OSTN: variants seen among roughly 807,000 people sequenced by gnomAD.
OSTN encodes osteocrin.
Under a neutral mutation model 12.0 loss-of-function variants are expected in OSTN, and 9 were observed. The observed-to-expected ratio is 0.75, with a 90% CI of 0.45 to 1.30. The LOEUF (loss-of-function observed/expected upper bound fraction) is 1.30. Ranked by LOEUF, OSTN falls within the 50% of genes most tolerant of loss-of-function variation. The pLI, the probability that OSTN is intolerant of heterozygous loss-of-function variation, is 0.00. For missense variants in OSTN, 148 were observed against 152.3 expected (o/e 0.97, Z 0.15); for synonymous variants, 59 against 56.9 (o/e 1.04, Z -0.16).
intron 2 of OSTN, among the ~76,000 whole-genome samples, chr3:191,216,369 C>T (rs1021137141): frequency 6.2e-4 from 95 of 152,188 alleles, no homozygotes; most frequent in African/African-American, 2.2e-3. Context: ...AGACATTTTC[C>T]CCATTGTCTT....
At chr3:191,203,966 C>A (rs1293601876) in intron 1 of OSTN, among the ~76,000 whole-genome samples, 1 of 152,180 alleles carries the variant, frequency 6.6e-6, no homozygotes, top group African/African-American at 2.4e-5. Flanking sequence ...CGGCTCACTG[C>A]AACCTCCGCC....
Position 191,219,576 on chromosome 3 carries a change from G to A in OSTN, c.317+615G>A, listed in dbSNP as rs182371541. Among the ~76,000 whole-genome samples, 129 of 152,184 alleles carry A rather than the reference G, an allele frequency of 8.5e-4. 1 individual carries two copies. The highest frequency in any genetic ancestry group is 1.1e-3 in the Non-Finnish European group (72 of 68,010). On this transcript the variant is annotated intron_variant, in intron 3 of 4. Coordinates refer to ENST00000682035, the MANE Select transcript of OSTN (RefSeq NM_198184.2). ...AAGTGCTTCATAGAATGCTAATTACGGATTTAGAGTAGTGAAATATCCCTT... is the reference window on the plus strand; with the variant it reads ...AAGTGCTTCATAGAATGCTAATTACAGATTTAGAGTAGTGAAATATCCCTT...
intron 3 of OSTN, among the ~76,000 whole-genome samples, chr3:191,237,694 T>C (rs1303108926): frequency 2.0e-5 from 3 of 152,336 alleles, no homozygotes; most frequent in African/African-American, 7.2e-5. Flanking sequence ...CCTGAGATCT[T>C]ATCAGGAAGA....
chr3:191,237,194 T>A (rs1424443857), intron 3 of OSTN, among the ~76,000 whole-genome samples: 1 of 152,216 alleles, frequency 6.6e-6, no homozygotes, highest in Admixed American at 6.5e-5. Flanking sequence ...AATTATGCGT[T>A]GCCTCAAGCG....
rs1303913871 is a variant in OSTN at position 191,201,526 on chromosome 3, G to C, written c.-1+2219G>C. Among the ~76,000 whole-genome samples the C allele has an allele frequency of 2.0e-5, 3 of 152,142 alleles. No homozygotes were observed. The East Asian group carries it at 5.8e-4, about 29-fold the overall frequency. On this transcript the variant is annotated intron_variant, in intron 1 of 4. Transcript: ENST00000682035. ...ACTTTAGGTGGCACAATTAGAGCTA[G>C]AAGAATAATGATGCCTTCAGTACAG...
chr3:191,207,769 C>T (rs1714315182), intron 1 of OSTN, among the ~76,000 whole-genome samples: 1 of 152,044 alleles, frequency 6.6e-6, no homozygotes, highest in South Asian at 2.1e-4. Flanking sequence ...ACTCTAACAC[C>T]TCTTTAAAAA....
intron 3 of OSTN, among the ~76,000 whole-genome samples, chr3:191,246,614 A>AAAG (rs1553822117): frequency 6.6e-6 from 1 of 151,322 alleles, no homozygotes; most frequent in Admixed American, 6.6e-5. Context: ...CAAAAAAAAA[A>AAAG]AAAGAAAGAA....
intron 3 of OSTN, among the ~76,000 whole-genome samples, chr3:191,229,581 C>A (rs1714998401): frequency 6.6e-6 from 1 of 151,766 alleles, no homozygotes; most frequent in Non-Finnish European, 1.5e-5. Context: ...ATAATAAATT[C>A]CTTAAAAAAC....
chr3:191,203,678 T>A (rs931301162), intron 1 of OSTN, among the ~76,000 whole-genome samples: 39 of 134,868 alleles, frequency 2.9e-4, no homozygotes, highest in Admixed American at 7.3e-5. Context: ...CATAAAAATA[T>A]TACTTTATAA....
intron 1 of OSTN, among the ~76,000 whole-genome samples, chr3:191,207,545 T>A (rs565299523): frequency 6.6e-6 from 1 of 152,328 alleles, no homozygotes; most frequent in African/African-American, 2.4e-5. Flanking sequence ...TTGCTCTTTC[T>A]TTTGTAGATA....
chr3:191,262,877 T>G lies in OSTN; in HGVS notation c.*24T>G, dbSNP rs1040797370. 5 of 702,210 alleles carry G rather than the reference T, an allele frequency of 7.1e-6. No individual in the cohort carries two copies. The highest frequency in any genetic ancestry group is 3.0e-5 in the South Asian group (2 of 67,570). The allele number at this position is 702,210 out of a possible 1,614,324, so 43.5% of individuals were successfully genotyped here. A position where few individuals can be genotyped will look rare whatever the true frequency, so the allele number is the denominator to read the frequency against. On this transcript the variant is annotated 3_prime_UTR_variant, in exon 5 of 5. Coordinates refer to ENST00000682035, the MANE Select transcript of OSTN (RefSeq NM_198184.2). ...TTTCGTTTTTGCAGATGCAACTTCC[T>G]TGGGTGAAATGTCACAGCAATATGG...
At chr3:191,228,543 G>A (rs537416348) in intron 3 of OSTN, among the ~76,000 whole-genome samples, 21 of 152,128 alleles carry the variant, frequency 1.4e-4, no homozygotes, top group Non-Finnish European at 2.8e-4. Context: ...ATAATTTTAT[G>A]TTCCTGCTAG....
intron 3 of OSTN, among the ~76,000 whole-genome samples, chr3:191,224,243 G>T (rs1714848503): frequency 6.6e-6 from 1 of 151,974 alleles, no homozygotes; most frequent in African/African-American, 2.4e-5. Flanking sequence ...CAACCATGGT[G>T]GTGCATGCCT....
At chr3:191,221,913 C>T (rs1295201942) in intron 3 of OSTN, among the ~76,000 whole-genome samples, 1 of 151,992 alleles carries the variant, frequency 6.6e-6, no homozygotes, top group Non-Finnish European at 1.5e-5. Flanking sequence ...GGTCCAGGAA[C>T]CTGCACTTGG....
chr3:191,261,939 G>A (rs953923164), intron 4 of OSTN, among the ~76,000 whole-genome samples: 1 of 152,146 alleles, frequency 6.6e-6, no homozygotes, highest in Non-Finnish European at 1.5e-5. Flanking sequence ...ACTATTGGCC[G>A]GGTGCGGTGG....
chr3:191,202,759 C>T (rs1199302488), intron 1 of OSTN, among the ~76,000 whole-genome samples: 1 of 152,072 alleles, frequency 6.6e-6, no homozygotes, highest in African/African-American at 2.4e-5. Flanking sequence ...AACGGCCAGC[C>T]GATATGTGCA....
At chr3:191,201,048 C>G (rs983630063) in intron 1 of OSTN, among the ~76,000 whole-genome samples, 3 of 152,082 alleles carry the variant, frequency 2.0e-5, no homozygotes, top group Non-Finnish European at 1.5e-5. Context: ...TTAAATGAAC[C>G]AACTCTCCAA....
At chr3:191,261,120 G>A (rs145622730) in intron 4 of OSTN, among the ~76,000 whole-genome samples, 2 of 152,200 alleles carry the variant, frequency 1.3e-5, no homozygotes, top group African/African-American at 2.4e-5. Context: ...GACTTCCAGC[G>A]GGGTGAAATT....
chr3:191,219,248 AG>A (rs1047431547), intron 3 of OSTN, among the ~76,000 whole-genome samples: 5 of 152,174 alleles, frequency 3.3e-5, no homozygotes, highest in African/African-American at 1.2e-4. Context: ...TGCATTTGGG[AG>A]GTGGCGCAAA....
Sources: gnomAD v4.1 joint callset for allele counts (sites outside exome capture counted in the v4.1 genomes callset) on GRCh38, gnomAD v4.1.1 for gene constraint, MANE v1.5 for transcripts, NCBI Gene and HGNC (gene_info 2026-07-23, HGNC 2026-07-21) for gene names.